DCAF6: variants seen among roughly 807,000 people sequenced by gnomAD.
DCAF6 encodes the protein DDB1 and CUL4 associated factor 6.
Under a neutral mutation model 125.1 loss-of-function variants are expected in DCAF6, and 54 were observed. That is an observed-to-expected ratio of 0.43 (90% CI 0.35 to 0.54). The LOEUF (loss-of-function observed/expected upper bound fraction) is 0.54, where lower values mean the gene tolerates loss of function less well. Among genes scored for constraint, DCAF6 ranks in the 20% least tolerant of loss-of-function variants. The pLI, the probability that DCAF6 is intolerant of heterozygous loss-of-function variation, is 0.01. For missense variants in DCAF6, 934 were observed against 1,161.7 expected (o/e 0.80, Z 2.85); for synonymous variants, 371 against 390.4 (o/e 0.95, Z 0.58).
At chr1:167,938,003 A>G (rs1034163110) in intron 1 of DCAF6, among the ~76,000 whole-genome samples, 8 of 152,224 alleles carry the variant, frequency 5.3e-5, no homozygotes, top group Non-Finnish European at 8.8e-5. Flanking sequence ...ATCTCATTAC[A>G]ACCAACAGTT....
intron 10 of DCAF6, among the ~76,000 whole-genome samples, chr1:168,008,057 C>G (rs1448010494): frequency 6.6e-6 from 1 of 150,718 alleles, no homozygotes; most frequent in African/African-American, 2.5e-5. Context: ...GCAGCCTCCC[C>G]CTCCTGGGTT....
At chr1:168,031,431 A>G (rs1194687315) in intron 12 of DCAF6, among the ~76,000 whole-genome samples, 3 of 152,152 alleles carry the variant, frequency 2.0e-5, no homozygotes, top group East Asian at 1.9e-4. Context: ...AAGTTAGGCA[A>G]TGTGGGAGTG....
At chr1:168,036,308 TCCA>T (rs1034931402) in intron 12 of DCAF6, among the ~76,000 whole-genome samples, 2 of 152,230 alleles carry the variant, frequency 1.3e-5, no homozygotes, top group East Asian at 3.8e-4. Flanking sequence ...TCATTTAAAT[TCCA>T]CAAGGCTTCT....
intron 17 of DCAF6, among the ~76,000 whole-genome samples, 180 bp from the exon 18 acceptor site, chr1:168,063,441 T>C (rs1194376143): frequency 6.6e-6 from 1 of 152,220 alleles, no homozygotes; most frequent in African/African-American, 2.4e-5. Context: ...TTTGTTGTAG[T>C]AACTCAACTA....
chr1:168,019,462 A>G, intron 11 of DCAF6: 1 of 409,340 alleles, frequency 2.4e-6, no homozygotes, highest in South Asian at 1.8e-5. Context: ...ATGTACATGT[A>G]TCAGATGAAT....
chr1:167,922,995 A>G, the DCAF6 span, among the ~76,000 whole-genome samples: 1 of 152,190 alleles, frequency 6.6e-6, no homozygotes, highest in Non-Finnish European at 1.5e-5. Flanking sequence ...AAAAACAAAG[A>G]TATCTAACAC....
At chr1:167,887,333 T>A in the DCAF6 span, among the ~76,000 whole-genome samples, 3 of 152,116 alleles carry the variant, frequency 2.0e-5, no homozygotes, top group Non-Finnish European at 4.4e-5. Flanking sequence ...TAAGAAAATG[T>A]GGCATGTATA....
intron 11 of DCAF6, among the ~76,000 whole-genome samples, chr1:168,016,940 G>A (rs989247729): frequency 5.9e-5 from 9 of 152,134 alleles, no homozygotes; most frequent in African/African-American, 2.2e-4. Flanking sequence ...GGTAGAATTG[G>A]ACAACCTGCA....
At chr1:167,920,518 G>C in the DCAF6 span, 6 of 1,603,060 alleles carry the variant, frequency 3.7e-6, no homozygotes, top group Non-Finnish European at 5.1e-6. Context: ...TGTTCTACAA[G>C]AAACACAGAA....
chr1:167,913,214 G>A, the DCAF6 span, among the ~76,000 whole-genome samples: 2 of 152,134 alleles, frequency 1.3e-5, no homozygotes, highest in African/African-American at 4.8e-5. Flanking sequence ...AATGAGGCCC[G>A]AAAGATAAAC....
the DCAF6 span, chr1:167,924,494 T>G: frequency 6.3e-7 from 1 of 1,592,220 alleles, no homozygotes; most frequent in Non-Finnish European, 8.5e-7. Flanking sequence ...ACTCAAGACT[T>G]ACCCATTTCA....
At chr1:167,881,505 C>T in the DCAF6 span, among the ~76,000 whole-genome samples, 1 of 152,208 alleles carries the variant, frequency 6.6e-6, no homozygotes, top group Non-Finnish European at 1.5e-5. Context: ...CTTCTAGGTA[C>T]GTGCAAAGAG....
chr1:168,072,292 TC>T (rs1693160437), intron 21 of DCAF6, among the ~76,000 whole-genome samples: 1 of 43,820 alleles, frequency 2.3e-5, no homozygotes, highest in Non-Finnish European at 3.6e-5. Context: ...GGAGAATCAG[TC>T]TAAAAAAAAA....
chr1:167,914,321 T>C, the DCAF6 span: 1 of 152,168 alleles, frequency 6.6e-6, no homozygotes, highest in African/African-American at 2.4e-5. Context: ...CAGGGGAGAC[T>C]GACATGACCC....
At chr1:167,944,267 G>T (rs1672720126) in intron 1 of DCAF6, among the ~76,000 whole-genome samples, 1 of 152,188 alleles carries the variant, frequency 6.6e-6, no homozygotes, top group Non-Finnish European at 1.5e-5. Context: ...GAATAGTGCT[G>T]CAGTAAACAT....
chr1:168,042,413 A>G (rs2101777964), intron 13 of DCAF6, among the ~76,000 whole-genome samples: 1 of 152,168 alleles, frequency 6.6e-6, no homozygotes, highest in Non-Finnish European at 1.5e-5. Flanking sequence ...GTATTCCGCT[A>G]TAGCTAGAAA....
chr1:167,944,673 C>T (rs1169777539), intron 1 of DCAF6, among the ~76,000 whole-genome samples: 2 of 152,000 alleles, frequency 1.3e-5, no homozygotes, highest in South Asian at 4.1e-4. Context: ...GTTGTTGAAT[C>T]GTTTGAGTTC....
the DCAF6 span, among the ~76,000 whole-genome samples, chr1:167,908,641 A>G: frequency 6.6e-6 from 1 of 152,226 alleles, no homozygotes; most frequent in Non-Finnish European, 1.5e-5. Flanking sequence ...ATATTAAAAC[A>G]TCACATTGTA....
intron 16 of DCAF6, among the ~76,000 whole-genome samples, chr1:168,049,555 C>T (rs1689606209): frequency 6.6e-6 from 1 of 150,818 alleles, no homozygotes; most frequent in African/African-American, 2.4e-5. Context: ...AGCCACCGCG[C>T]CTGGCCATAT....
Sources: gnomAD v4.1 joint callset for allele counts (sites outside exome capture counted in the v4.1 genomes callset) on GRCh38, gnomAD v4.1.1 for gene constraint, MANE v1.5 for transcripts, NCBI Gene and HGNC (gene_info 2026-07-23, HGNC 2026-07-21) for gene names.